GLI2: variants seen among roughly 807,000 people sequenced by gnomAD.
The protein encoded by GLI2 is transcription activator GLI2.
A neutral mutation model predicts 78.9 loss-of-function variants in GLI2; 22 were observed. That is an observed-to-expected ratio of 0.28 (90% CI 0.20 to 0.40). The LOEUF (loss-of-function observed/expected upper bound fraction) is 0.40. GLI2 is among the 10% of genes least tolerant of loss of function. The pLI, the probability that GLI2 is intolerant of heterozygous loss-of-function variation, is 1.00. For missense variants in GLI2, 2,097 were observed against 2,213.2 expected, an observed-to-expected ratio of 0.95 and a Z score of 1.05; for synonymous variants, 974 against 963.7, an observed-to-expected ratio of 1.01 and a Z score of -0.20.
At chr2:120,942,649 C>T (rs576112065) in intron 3 of GLI2, among the ~76,000 whole-genome samples, 2 of 152,206 alleles carry the variant, frequency 1.3e-5, no homozygotes, top group South Asian at 4.1e-4. Context: ...TCCCTCTGCT[C>T]CTCACAACAG....
intron 2 of GLI2, among the ~76,000 whole-genome samples, chr2:120,804,148 A>C (rs1558805219): frequency 6.6e-6 from 1 of 152,186 alleles, no homozygotes; most frequent in Non-Finnish European, 1.5e-5. Flanking sequence ...AAATAGCAGA[A>C]TATTTAGACG....
chr2:120,740,591 A>G (rs1363606591), intron 1 of GLI2, among the ~76,000 whole-genome samples: 1 of 152,214 alleles, frequency 6.6e-6, no homozygotes, highest in Non-Finnish European at 1.5e-5. Context: ...GTGATGGTCC[A>G]TTGAGATTCT....
chr2:120,863,146 A>G (rs1204358673), intron 2 of GLI2, among the ~76,000 whole-genome samples: 1 of 152,254 alleles, frequency 6.6e-6, no homozygotes, highest in Non-Finnish European at 1.5e-5. Flanking sequence ...GTCAAGACCA[A>G]TGAGAGGACA....
chr2:120,980,011 T>C (rs1429996686), intron 10 of GLI2, among the ~76,000 whole-genome samples: 2 of 152,266 alleles, frequency 1.3e-5, no homozygotes, highest in African/African-American at 2.4e-5. Flanking sequence ...CTCCATTGTA[T>C]GGATAGACCA....
At chr2:120,944,945 T>C (rs1680635654) in intron 3 of GLI2, among the ~76,000 whole-genome samples, 1 of 152,252 alleles carries the variant, frequency 6.6e-6, no homozygotes, top group Non-Finnish European at 1.5e-5. Flanking sequence ...GTTTACTTTA[T>C]CCATTCTCCC....
chr2:120,970,614 G>T lies in GLI2; in HGVS notation c.1059+8G>T. On this transcript the variant is annotated splice_region_variant and intron_variant, in intron 7 of 13. Coordinates refer to ENST00000361492, the MANE Select transcript of GLI2 (RefSeq NM_001374353.1). ...CTGAGTGACACCAACCAGGTAGGTG[G>T]GTGCAGGGGCCAGGATGGCCACTGG... 6.2e-7 allele frequency: 1 copy of T among 1,610,894 alleles called. No individual in the cohort carries two copies. Among genetic ancestry groups the T allele is most frequent in the Non-Finnish European group, 8.5e-7 (1 of 1,177,148 alleles).
Position 120,991,511 on chromosome 2 carries a change from G to T in GLI2, c.*836G>T, listed in dbSNP as rs1306565268. The T allele has an allele frequency of 6.6e-6, 1 of 152,664 alleles. No homozygotes were observed. The allele number at this position is 152,664 out of a possible 1,614,324, so 9.5% of individuals were successfully genotyped here. On this transcript the variant is annotated 3_prime_UTR_variant, in exon 14 of 14. Transcript: ENST00000361492. ...AAGAAGACTTGTTTCTAAATACCTC[G>T]GGGCTGCTGGAGCCGCTGTGGGTTA... is the stretch of plus-strand genomic sequence containing the variant.
At chr2:120,790,720 C>A (rs1223363229) in intron 1 of GLI2, among the ~76,000 whole-genome samples, 1 of 152,176 alleles carries the variant, frequency 6.6e-6, no homozygotes, top group Non-Finnish European at 1.5e-5. Flanking sequence ...CTCTGCAGAG[C>A]TGTTATCCTG....
chr2:120,900,384 C>CAGGT (rs1678194935), intron 2 of GLI2, among the ~76,000 whole-genome samples: 1 of 152,166 alleles, frequency 6.6e-6, no homozygotes, highest in Admixed American at 6.5e-5. Context: ...AAACACACAC[C>CAGGT]AGGTGATGGC....
chr2:120,810,653 C>T (rs1442630321), intron 2 of GLI2, among the ~76,000 whole-genome samples: 1 of 152,192 alleles, frequency 6.6e-6, no homozygotes, highest in Non-Finnish European at 1.5e-5. Context: ...ACAGCAGTGC[C>T]TTGGCCTGAA....
intron 2 of GLI2, among the ~76,000 whole-genome samples, chr2:120,888,385 C>A (rs1437971406): frequency 6.6e-6 from 1 of 152,226 alleles, no homozygotes; most frequent in East Asian, 1.9e-4. Flanking sequence ...ATCTCATCGT[C>A]CCCGAGCATT....
chr2:120,925,684 G>T (rs550082609), intron 2 of GLI2, among the ~76,000 whole-genome samples: 1 of 152,170 alleles, frequency 6.6e-6, no homozygotes, highest in Admixed American at 6.5e-5. Context: ...TTAGTGTTTC[G>T]TGGGTGCAGA....
Position 120,927,469 on chromosome 2 carries a change from A to C in GLI2, c.254+3A>C. On this transcript the variant is annotated splice_donor_region_variant and intron_variant, in intron 3 of 13. Coordinates refer to ENST00000361492, the MANE Select transcript of GLI2 (RefSeq NM_001374353.1). ...CATTCTGTCCACGGTGTGCACGGGT[A>C]AGTCCTGCCCTCTGCCTGCTGCTCC... is the stretch of plus-strand genomic sequence containing the variant. 6.3e-7 allele frequency: 1 copy of C among 1,596,772 alleles called. No individual in the cohort carries two copies. The highest frequency in any genetic ancestry group is 8.6e-7 in the Non-Finnish European group (1 of 1,164,258).
At chr2:120,827,697 T>C (rs553645930) in intron 2 of GLI2, among the ~76,000 whole-genome samples, 4 of 152,360 alleles carry the variant, frequency 2.6e-5, no homozygotes, top group East Asian at 1.9e-4. Context: ...AGGGCTGTTA[T>C]GCAGCCTTAA....
At chr2:120,974,468 T>G (rs1011438467) in intron 8 of GLI2, among the ~76,000 whole-genome samples, 4 of 152,196 alleles carry the variant, frequency 2.6e-5, no homozygotes, top group African/African-American at 9.6e-5. Flanking sequence ...TCAAGGAATG[T>G]CTCAGGGGTC....
chr2:120,808,238 C>A (rs1297778650), intron 2 of GLI2, among the ~76,000 whole-genome samples: 1 of 152,182 alleles, frequency 6.6e-6, no homozygotes, highest in African/African-American at 2.4e-5. Context: ...AGGAGAAGCC[C>A]CTTGCAGGGC....
intron 1 of GLI2, among the ~76,000 whole-genome samples, chr2:120,770,339 G>T (rs113618905): frequency 0.015 from 2,329 of 152,258 alleles, 53 homozygotes; most frequent in African/African-American, 0.051. Flanking sequence ...GCCCTGTGGT[G>T]GGTCCCCGAG....
chr2:120,959,114 C>A (rs140549446), intron 5 of GLI2, among the ~76,000 whole-genome samples: 8 of 152,282 alleles, frequency 5.3e-5, no homozygotes, highest in African/African-American at 1.9e-4. Flanking sequence ...TTGGCAGCCC[C>A]GGGGGCTGAG....
chr2:120,970,216 G>A (rs567259771), intron 6 of GLI2, among the ~76,000 whole-genome samples, 177 bp from the exon 7 acceptor site: 203 of 152,242 alleles, frequency 1.3e-3, no homozygotes, highest in Non-Finnish European at 1.5e-3. Context: ...CGCAGAAGGT[G>A]AGTGGCAGAC....
Sources: gnomAD v4.1 joint callset for allele counts (sites outside exome capture counted in the v4.1 genomes callset) on GRCh38, gnomAD v4.1.1 for gene constraint, MANE v1.5 for transcripts, NCBI Gene and HGNC (gene_info 2026-07-23, HGNC 2026-07-21) for gene names.